APAF1: variants seen among roughly 807,000 people sequenced by gnomAD.
APAF1 encodes apoptotic protease-activating factor 1.
A neutral mutation model predicts 152.4 loss-of-function variants in APAF1; 91 were observed. That is an observed-to-expected ratio of 0.60 (90% CI 0.50 to 0.71). The LOEUF (loss-of-function observed/expected upper bound fraction) is 0.71, where lower values mean the gene tolerates loss of function less well. Ranked by LOEUF, APAF1 falls within the 30% of genes least tolerant of loss-of-function variation. The pLI is 0.00. For synonymous variants in APAF1, 484 were observed against 494.1 expected (o/e 0.98, Z 0.27); for missense variants, 1,283 against 1,472.0 (o/e 0.87, Z 2.10).
intron 13 of APAF1, among the ~76,000 whole-genome samples, chr12:98,678,844 G>A (rs963474466): frequency 6.6e-6 from 1 of 152,172 alleles, no homozygotes; most frequent in Non-Finnish European, 1.5e-5. Flanking sequence ...CTGCCGCCTC[G>A]GCCCCCTCCG....
intron 10 of APAF1, among the ~76,000 whole-genome samples, chr12:98,668,619 A>G (rs2097676382): frequency 6.6e-6 from 1 of 152,146 alleles, no homozygotes; most frequent in African/African-American, 2.4e-5. Context: ...TGATTTGCTT[A>G]TGGGTTTGGT....
chr12:98,728,230 T>G (rs2097754100), intron 26 of APAF1, among the ~76,000 whole-genome samples: 1 of 152,164 alleles, frequency 6.6e-6, no homozygotes, highest in Admixed American at 6.5e-5. Flanking sequence ...CAATTAACTA[T>G]GTTGGTTGAA....
chr12:98,653,872 G>T, intron 4 of APAF1, among the ~76,000 whole-genome samples: 1 of 151,038 alleles, frequency 6.6e-6, no homozygotes, highest in East Asian at 1.9e-4. Flanking sequence ...TACTGTATTC[G>T]TATGTTGGTT....
At chr12:98,704,557 G>A (rs1262267045) in intron 18 of APAF1, among the ~76,000 whole-genome samples, 1 of 152,146 alleles carries the variant, frequency 6.6e-6, no homozygotes, top group Non-Finnish European at 1.5e-5. Context: ...CTTCAACATA[G>A]AGGCACAGGT....
intron 13 of APAF1, among the ~76,000 whole-genome samples, chr12:98,677,791 A>G (rs1029381361): frequency 2.0e-5 from 3 of 152,230 alleles, no homozygotes; most frequent in African/African-American, 7.2e-5. Flanking sequence ...GTCAGTTCCC[A>G]GCCATCCATT....
intron 16 of APAF1, among the ~76,000 whole-genome samples, chr12:98,688,633 G>T (rs1277958509): frequency 4.6e-5 from 6 of 131,800 alleles, no homozygotes; most frequent in African/African-American, 1.7e-4. Flanking sequence ...ATCACACCTG[G>T]CGAAATTTTT....
At chr12:98,697,198 A>G (rs954399688) in intron 16 of APAF1, among the ~76,000 whole-genome samples, 1 of 152,182 alleles carries the variant, frequency 6.6e-6, no homozygotes, top group Admixed American at 6.5e-5. Flanking sequence ...CTGGTATAAG[A>G]TAGGCTAATC....
At chr12:98,699,652 T>G in intron 17 of APAF1, 83 bp downstream of exon 17, 1 of 1,495,322 alleles carries the variant, frequency 6.7e-7, no homozygotes, top group Non-Finnish European at 9.2e-7. Flanking sequence ...CAATGTTTAT[T>G]CATAAAAATA....
rs879306794 is a variant in APAF1, at chr12:98,688,475, T to C, written c.2304+1602T>C. On this transcript the variant is annotated intron_variant, in intron 16 of 26. Coordinates refer to ENST00000551964, the MANE Select transcript of APAF1 (RefSeq NM_181861.2). ...CTTCTACCACTGTTTTCTTTCTTTT[T>C]TTTTTTTTTTTTTGGAGACAGAGTC... 4.5e-3 allele frequency among the ~76,000 whole-genome samples: 671 copies of C among 148,634 alleles called. 2 individuals carry two copies. The highest frequency in any genetic ancestry group is 6.9e-3 in the Non-Finnish European group (461 of 67,004).
chr12:98,707,692 C>CTATATATATATATATATATATATATATA lies in APAF1; in HGVS notation c.2722-873_2722-872insTATATATATATATATATATATATATATA, dbSNP rs10668292. ...TATATTCAAGACATTATGCAAAGTA[C>CTATATATATATATATATATATATATATA]TATATATATATATATATATACATAT... is the stretch of plus-strand genomic sequence containing the variant. On this transcript the variant is annotated intron_variant, in intron 19 of 26. Transcript: ENST00000551964. Among the ~76,000 whole-genome samples, 228 of 139,426 alleles carry CTATATATATATATATATATATATATATA rather than the reference C, an allele frequency of 1.6e-3. 2 individuals are homozygous for CTATATATATATATATATATATATATATA. Among genetic ancestry groups the CTATATATATATATATATATATATATATA allele is most frequent in the Middle Eastern group, 8.3e-3 (2 of 242 alleles). The allele number at this position is 139,426 out of a possible 152,430, so 91.5% of individuals were successfully genotyped here.
Position 98,666,227 on chromosome 12 carries a change from T to A in APAF1, c.1232T>A (p.Val411Asp). The change falls in exon 9 of 27, where the codon GTT becomes GAT. Residue 411 changes from valine (V) to aspartate (D), a missense_variant. By Grantham distance (152) the Val-to-Asp change is radical. Coordinates refer to ENST00000551964, the MANE Select transcript of APAF1 (RefSeq NM_181861.2). ...CILWDMETEEVEDILQEFVNK... is the reference protein window; with the variant it reads ...CILWDMETEEDEDILQEFVNK... ...CTCTGGGACATGGAAACTGAAGAAG[T>A]TGAAGACATACTGCAGGAGTTTGTA... The A allele has an allele frequency of 6.2e-7, 1 of 1,614,010 alleles. No individual in the cohort carries two copies. The highest frequency in any genetic ancestry group is 1.7e-5 in the Admixed American group (1 of 60,022).
At position 98,648,491 on chromosome 12, in the gene APAF1, A is replaced by G; in HGVS notation, c.132A>G (p.Arg44=). 6 of 1,613,670 alleles carry G rather than the reference A, an allele frequency of 3.7e-6. No homozygotes were observed. The highest frequency in any genetic ancestry group is 5.1e-6 in the Non-Finnish European group (6 of 1,179,864). Residue 44 remains arginine (R), a synonymous_variant, in exon 2 of 27, where the codon AGA becomes AGG. Coordinates refer to ENST00000551964, the MANE Select transcript of APAF1 (RefSeq NM_181861.2). ...FLTISEEEKV[R]NEPTQQQRAA... ...CAATATCAGAAGAGGAAAAAGTAAG[A>G]AATGAGGTAAAGCTCTCTGAAGCAG...
At chr12:98,653,572 G>A (rs142580021) in intron 4 of APAF1, among the ~76,000 whole-genome samples, 2,382 of 141,752 alleles carry the variant, frequency 0.017, 49 homozygotes, top group African/African-American at 0.041. Context: ...CATAAGAATC[G>A]CTTGAACATG....
chr12:98,662,787 T>C lies in APAF1; in HGVS notation c.936T>C (p.Ser312=). 1 of 1,609,970 alleles carries C rather than the reference T, an allele frequency of 6.2e-7. No homozygotes were observed. The change falls in exon 7 of 27, where the codon AGT becomes AGC. Residue 312 remains serine, a synonymous_variant. Coordinates refer to ENST00000551964, the MANE Select transcript of APAF1 (RefSeq NM_181861.2). The stretch of plus-strand genomic sequence containing the variant: ...CAGATTTGCCAGAACAAGCTCATAG[T>C]ATTATAAAAGAATGTAAAGGTATGG... ...KKADLPEQAH[S]IIKECKGSPL...
intron 24 of APAF1, among the ~76,000 whole-genome samples, chr12:98,725,088 G>C (rs919101213): frequency 1.3e-5 from 2 of 152,200 alleles, no homozygotes; most frequent in Non-Finnish European, 2.9e-5. Flanking sequence ...CTAGTCACAA[G>C]AATCTAGTGA....
chr12:98,677,195 G>A lies in APAF1; in HGVS notation c.1794-230G>A, dbSNP rs924867477. ...TCCAACTCAGTGACATTTGTAACAC[G>A]TGACAGGTTGCTTGATAAAGGGTAA... On this transcript the variant is annotated intron_variant, in intron 12 of 26. Transcript: ENST00000551964. Among the ~76,000 whole-genome samples the A allele has an allele frequency of 7.9e-5, 12 of 152,100 alleles. No homozygotes were observed. In the East Asian group the frequency reaches 1.2e-3, roughly 15 times the overall value.
At position 98,723,686 on chromosome 12, in the gene APAF1, C is replaced by T. The variant is rs2097746401; in HGVS notation, c.3252C>T (p.His1084=). 1 of 1,610,194 alleles carries T rather than the reference C, an allele frequency of 6.2e-7. No homozygotes were observed. The highest frequency in any genetic ancestry group is 8.5e-7 in the Non-Finnish European group (1 of 1,177,466). The part of the protein sequence containing the change: ...TGNKEKDFVC[H]QGTVLSCDIS... ...ATAAAGAAAAAGACTTTGTCTGTCA[C>T]CAGGGTACAGTACTTTCTTGTGACA... Residue 1084 remains histidine, a synonymous_variant, in exon 24 of 27, where the codon CAC becomes CAT. Coordinates refer to ENST00000551964, the MANE Select transcript of APAF1 (RefSeq NM_181861.2).
intron 14 of APAF1, among the ~76,000 whole-genome samples, chr12:98,682,002 A>G (rs916314184): frequency 6.6e-6 from 1 of 151,242 alleles, no homozygotes; most frequent in Non-Finnish European, 1.5e-5. Flanking sequence ...TATATGGCAT[A>G]GACTGCTTAG....
intron 1 of APAF1, 132 bp from the exon 2 acceptor site, chr12:98,648,187 T>G: frequency 1.3e-6 from 1 of 765,298 alleles, no homozygotes; most frequent in South Asian, 1.6e-5. Context: ...CACTGGGTTT[T>G]GTCCATTTAA....
Sources: gnomAD v4.1 joint callset for allele counts (sites outside exome capture counted in the v4.1 genomes callset) on GRCh38, gnomAD v4.1.1 for gene constraint, MANE v1.5 for transcripts, NCBI Gene and HGNC (gene_info 2026-07-23, HGNC 2026-07-21) for gene names.